JADE3: variants seen among roughly 807,000 people sequenced by gnomAD.
JADE3 encodes the protein protein Jade-3.
A neutral mutation model predicts 50.1 loss-of-function variants in JADE3; 2 were observed. The observed-to-expected ratio is 0.04, with a 90% confidence interval of 0.02 to 0.13. The LOEUF (loss-of-function observed/expected upper bound fraction) is 0.13. JADE3 is among the 10% of genes least tolerant of loss of function. The probability of loss-of-function intolerance (pLI) is 1.00; values close to 1 mark genes in which losing one functional copy is unlikely to be tolerated. For missense variants in JADE3, 475 were observed against 634.4 expected, an observed-to-expected ratio of 0.75 and a Z score of 2.70; for synonymous variants, 218 against 232.9, an observed-to-expected ratio of 0.94 and a Z score of 0.58.
chrX:46,994,037 T>C, intron 3 of JADE3, among the ~76,000 whole-genome samples: 1 of 112,312 alleles, frequency 8.9e-6, no homozygotes, highest in Non-Finnish European at 1.9e-5. Flanking sequence ...ATCTCTCTGC[T>C]TTATTCACAC....
intron 3 of JADE3, among the ~76,000 whole-genome samples, chrX:46,996,144 C>T (rs1221805991): frequency 1.8e-5 from 2 of 112,134 alleles, no homozygotes; most frequent in Admixed American, 9.4e-5. Context: ...TCAAGCAATT[C>T]TCCTGCCTCA....
intron 3 of JADE3, among the ~76,000 whole-genome samples, chrX:46,992,397 A>G (rs1393950414): frequency 1.2e-5 from 1 of 84,657 alleles, no homozygotes; most frequent in Admixed American, 1.4e-4. Flanking sequence ...ACAGCCCCCA[A>G]GAACTTCATA....
intron 1 of JADE3, among the ~76,000 whole-genome samples, chrX:46,960,775 G>T (rs782219247): frequency 9.0e-6 from 1 of 111,625 alleles, no homozygotes; most frequent in African/African-American, 3.3e-5. Context: ...GTGATCTTGG[G>T]AACCCCTTAC....
At chrX:46,919,064 G>A (rs782246185) in intron 1 of JADE3, among the ~76,000 whole-genome samples, 1 of 112,616 alleles carries the variant, frequency 8.9e-6, no homozygotes, top group Non-Finnish European at 1.9e-5. Flanking sequence ...TGAATGTAGT[G>A]TATTCTAGAG....
At chrX:47,035,502 C>G (rs1037180300) in intron 7 of JADE3, among the ~76,000 whole-genome samples, 7 of 112,102 alleles carry the variant, frequency 6.2e-5, no homozygotes, top group African/African-American at 2.3e-4. Context: ...GCAAATCCCT[C>G]AGCTAATAGA....
chrX:47,035,915 G>A (rs1266631855), intron 7 of JADE3, among the ~76,000 whole-genome samples: 2 of 111,529 alleles, frequency 1.8e-5, no homozygotes, highest in African/African-American at 6.5e-5. Context: ...GGTCGAGGCA[G>A]GCAGATCACT....
intron 1 of JADE3, among the ~76,000 whole-genome samples, chrX:46,959,406 T>C (rs868976119): frequency 8.9e-6 from 1 of 112,199 alleles, no homozygotes; most frequent in African/African-American, 3.2e-5. Context: ...TCATTCTTCA[T>C]TCATATGTTT....
intron 1 of JADE3, among the ~76,000 whole-genome samples, chrX:46,958,928 A>G (rs1927194131): frequency 9.0e-6 from 1 of 111,624 alleles, no homozygotes. Context: ...TCCCTGAACA[A>G]TAACCAACCC....
At chrX:47,041,775 A>G (rs1556369750) in intron 8 of JADE3, among the ~76,000 whole-genome samples, 1 of 108,826 alleles carries the variant, frequency 9.2e-6, no homozygotes, top group African/African-American at 3.4e-5. Context: ...TCCTGGGTTC[A>G]AGTGATTCCC....
At chrX:46,972,961 T>G (rs1927532947) in intron 1 of JADE3, among the ~76,000 whole-genome samples, 1 of 112,377 alleles carries the variant, frequency 8.9e-6, no homozygotes, top group Admixed American at 9.4e-5. Flanking sequence ...TATGGCTGCC[T>G]TCATGCTACA....
At chrX:46,990,317 C>G (rs1468254522) in intron 3 of JADE3, among the ~76,000 whole-genome samples, 1 of 111,397 alleles carries the variant, frequency 9.0e-6, no homozygotes, top group Admixed American at 9.6e-5. Flanking sequence ...TTTAGTAGTC[C>G]TCTGCTATAA....
At chrX:46,947,657 A>G (rs192940834) in intron 1 of JADE3, among the ~76,000 whole-genome samples, 143 of 111,371 alleles carry the variant, frequency 1.3e-3, no homozygotes, top group Non-Finnish European at 2.2e-3. Context: ...GCTCCTATAT[A>G]GGCAATATCA....
intron 4 of JADE3, among the ~76,000 whole-genome samples, chrX:47,018,318 G>A (rs1421914247): frequency 2.7e-5 from 3 of 110,167 alleles, no homozygotes; most frequent in Non-Finnish European, 5.7e-5. Context: ...TCAGTAAGGA[G>A]CACAATGTAC....
chrX:46,991,179 C>T (rs1255155928), intron 3 of JADE3, among the ~76,000 whole-genome samples: 1 of 103,127 alleles, frequency 9.7e-6, no homozygotes, highest in Non-Finnish European at 2.0e-5. Context: ...CCGCCTCCTA[C>T]GTTCAAGCGA....
intron 7 of JADE3, among the ~76,000 whole-genome samples, chrX:47,036,993 A>C (rs2146981721): frequency 1.1e-5 from 1 of 92,736 alleles, no homozygotes; most frequent in South Asian, 5.9e-4. Flanking sequence ...TAGCATTGGG[A>C]GATATACCTA....
At chrX:46,975,718 T>TC (rs1295893064) in intron 1 of JADE3, among the ~76,000 whole-genome samples, 7,465 of 72,064 alleles carry the variant, frequency 0.1, 280 homozygotes, top group East Asian at 0.31. Context: ...CTTTTTCTTT[T>TC]TTTTTTTTTT....
At chrX:46,972,888 C>T (rs1168890351) in intron 1 of JADE3, among the ~76,000 whole-genome samples, 1 of 112,223 alleles carries the variant, frequency 8.9e-6, no homozygotes, top group African/African-American at 3.2e-5. Flanking sequence ...CGTGAGCCAC[C>T]GCGCCCGGCT....
rs1391650827 is a variant in JADE3, at chrX:46,968,233, TA to T, written c.-11-16649del. On this transcript the variant is annotated intron_variant, in intron 1 of 10. Coordinates refer to ENST00000614628, the MANE Select transcript of JADE3 (RefSeq NM_014735.5). ...TCTTTTTATCATATACTTGCTTTTTTAATAGTTAATTTTTAAATTTTGAGTT... is the reference window on the plus strand; with the variant it reads ...TCTTTTTATCATATACTTGCTTTTTTATAGTTAATTTTTAAATTTTGAGTT... Among the ~76,000 whole-genome samples the T allele has an allele frequency of 9.8e-5, 11 of 112,354 alleles. No individual in the cohort carries two copies. In the Admixed American group the frequency reaches 1.0e-3, roughly 11 times the overall value.
At chrX:47,013,039 C>T (rs1278906359) in intron 4 of JADE3, among the ~76,000 whole-genome samples, 8 of 111,974 alleles carry the variant, frequency 7.1e-5, no homozygotes, top group Non-Finnish European at 1.1e-4. Context: ...GAGACAGCGT[C>T]TCGTTCTCTG....
Sources: allele counts gnomAD v4.1 joint callset (sites outside exome capture counted in the v4.1 genomes callset), GRCh38; gene constraint gnomAD v4.1.1; transcripts MANE v1.5; gene names NCBI Gene and HGNC (gene_info 2026-07-23, HGNC 2026-07-21).